Variants in AMPH observed in about 807,000 individuals in gnomAD.
AMPH encodes amphiphysin.
Under a neutral mutation model 99.1 loss-of-function variants are expected in AMPH, and 49 were observed. The ratio of observed to expected loss-of-function variants is 0.49; its 90% CI spans 0.39 to 0.63. AMPH has a LOEUF of 0.63. AMPH is among the 20% of genes least tolerant of loss of function. The probability of loss-of-function intolerance (pLI) is 0.00; values close to 1 mark genes in which losing one functional copy is unlikely to be tolerated. For synonymous variants in AMPH, 314 were observed against 317.3 expected, an observed-to-expected ratio of 0.99 and a Z score of 0.11; for missense variants, 759 against 863.4, an observed-to-expected ratio of 0.88 and a Z score of 1.52.
chr7:38,497,550 A>G (rs950353509), intron 3 of AMPH, among the ~76,000 whole-genome samples: 1 of 152,200 alleles, frequency 6.6e-6, no homozygotes, highest in Non-Finnish European at 1.5e-5. Context: ...AGATTGCACT[A>G]CTTTATAAGT....
chr7:38,492,342 G>C (rs1191081939), intron 4 of AMPH, among the ~76,000 whole-genome samples: 1 of 152,194 alleles, frequency 6.6e-6, no homozygotes, highest in Non-Finnish European at 1.5e-5. Context: ...CCAGTGCTCA[G>C]AGAGTCACCT....
At chr7:38,566,394 C>T (rs1387613454) in intron 1 of AMPH, among the ~76,000 whole-genome samples, 2 of 151,968 alleles carry the variant, frequency 1.3e-5, no homozygotes, top group East Asian at 1.9e-4. Context: ...GCCTCAGCCT[C>T]CCAAGTCATT....
chr7:38,405,929 C>T (rs1374314017), intron 17 of AMPH, among the ~76,000 whole-genome samples: 2 of 152,184 alleles, frequency 1.3e-5, no homozygotes, highest in Non-Finnish European at 2.9e-5. Flanking sequence ...AATCTTTTAT[C>T]TGCACATGGA....
intron 1 of AMPH, among the ~76,000 whole-genome samples, chr7:38,579,025 A>G (rs894367716): frequency 2.0e-5 from 3 of 152,210 alleles, no homozygotes; most frequent in African/African-American, 7.2e-5. Context: ...AAAGCAAATC[A>G]TATCTTAGTG....
At chr7:38,615,263 G>A (rs187638612) in intron 1 of AMPH, among the ~76,000 whole-genome samples, 23 of 152,274 alleles carry the variant, frequency 1.5e-4, no homozygotes, top group Admixed American at 1.2e-3. Flanking sequence ...GGTTCACTAC[G>A]AGGGTGAAAT....
At position 38,604,475 on chromosome 7, in the gene AMPH, C is replaced by T. The variant is rs143523018; in HGVS notation, c.69+26808G>A. Among the ~76,000 whole-genome samples, 17 of 152,280 alleles carry T rather than the reference C, an allele frequency of 1.1e-4. No homozygotes were observed. In the East Asian group the frequency reaches 1.7e-3, roughly 16 times the overall value. ...GAAAGGAGATATGCAAGAATGAGGA[C>T]GAGCACACACTGCCCCAGCCCTGCA... On this transcript the variant is annotated intron_variant, in intron 1 of 20. Coordinates refer to ENST00000356264, the MANE Select transcript of AMPH (RefSeq NM_001635.4).
At chr7:38,396,233 C>A (rs547636824) in intron 17 of AMPH, among the ~76,000 whole-genome samples, 47 of 152,240 alleles carry the variant, frequency 3.1e-4, no homozygotes, top group African/African-American at 1.1e-3. Context: ...GTGGGAGGGA[C>A]TTGGTGGGAG....
intron 2 of AMPH, among the ~76,000 whole-genome samples, chr7:38,508,319 C>T (rs929821655): frequency 6.6e-6 from 1 of 152,130 alleles, no homozygotes; most frequent in Admixed American, 6.5e-5. Context: ...TAAGGTTAAG[C>T]AGGTCTGGAA....
chr7:38,522,555 G>A (rs960245734), intron 2 of AMPH, among the ~76,000 whole-genome samples: 3 of 152,082 alleles, frequency 2.0e-5, no homozygotes, highest in Admixed American at 6.5e-5. Flanking sequence ...ACTCAGCTAC[G>A]GTGCTAAGCG....
intron 16 of AMPH, 130 bp from the exon 17 acceptor site, chr7:38,418,080 GAGAAAAGC>G (rs1161928081): frequency 1.9e-6 from 2 of 1,066,910 alleles, no homozygotes; most frequent in African/African-American, 3.2e-5. Flanking sequence ...ATCCGTGCTG[GAGAAAAGC>G]CCCCATTTGC....
At chr7:38,556,158 T>C (rs553895240) in intron 1 of AMPH, among the ~76,000 whole-genome samples, 19 of 152,026 alleles carry the variant, frequency 1.2e-4, no homozygotes, top group African/African-American at 4.1e-4. Context: ...AAGATAAAAT[T>C]AATTGTTTTA....
intron 2 of AMPH, among the ~76,000 whole-genome samples, chr7:38,510,875 A>G (rs979609841): frequency 1.3e-5 from 2 of 152,268 alleles, no homozygotes; most frequent in Admixed American, 6.5e-5. Flanking sequence ...AAAGATATCA[A>G]TTGTTCACTA....
rs147894612 is a variant in AMPH at position 38,476,889 on chromosome 7, C to T, written c.477G>A (p.Lys159=). The T allele has an allele frequency of 1.2e-6, 2 of 1,613,816 alleles. No homozygotes were observed. Among genetic ancestry groups the T allele is most frequent in the African/African-American group, 1.3e-5 (1 of 75,030 alleles). Residue 159 remains lysine, a synonymous_variant, in exon 6 of 21, where the codon AAG becomes AAA. Transcript: ENST00000356264. ...TAGAGATTCGACTCTCATCCTTCCT[C>T]TTGGAGCTCTGCAGAGCTTCCAGAT... ...RHHLEALQSS[K]RKDESRISKA...
chr7:38,409,120 C>G (rs1785142157), intron 17 of AMPH, among the ~76,000 whole-genome samples: 1 of 152,180 alleles, frequency 6.6e-6, no homozygotes, highest in East Asian at 1.9e-4. Context: ...CACTAATTTG[C>G]TATGGAGCTG....
intron 3 of AMPH, among the ~76,000 whole-genome samples, chr7:38,497,552 T>A (rs184670313): frequency 6.6e-6 from 1 of 152,342 alleles, no homozygotes; most frequent in African/African-American, 2.4e-5. Flanking sequence ...ATTGCACTAC[T>A]TTATAAGTAC....
intron 20 of AMPH, 44 bp downstream of exon 20, chr7:38,389,742 TCCAACAGACCCTCAGAAA>T: frequency 1.6e-6 from 2 of 1,260,602 alleles, no homozygotes; most frequent in Non-Finnish European, 1.2e-6. Flanking sequence ...AGTGATTGTG[TCCAACAGACCCTCAGAAA>T]AAAATCAACG....
chr7:38,428,007 C>G, intron 14 of AMPH: 1 of 454,354 alleles, frequency 2.2e-6, no homozygotes, highest in South Asian at 1.5e-5. Context: ...TATCTCCTGG[C>G]TTTGTTCCCA....
intron 2 of AMPH, among the ~76,000 whole-genome samples, chr7:38,513,539 T>C (rs1462712266): frequency 1.3e-5 from 2 of 152,204 alleles, no homozygotes; most frequent in Non-Finnish European, 2.9e-5. Flanking sequence ...TATGGAAGTA[T>C]AGTGACATCA....
chr7:38,387,783 A>T (rs1784386469), intron 20 of AMPH, among the ~76,000 whole-genome samples: 1 of 151,160 alleles, frequency 6.6e-6, no homozygotes, highest in Non-Finnish European at 1.5e-5. Context: ...TATGAAGACC[A>T]TAAAAAAAAA....
Sources: gnomAD v4.1 joint callset for allele counts (sites outside exome capture counted in the v4.1 genomes callset) on GRCh38, gnomAD v4.1.1 for gene constraint, MANE v1.5 for transcripts, NCBI Gene and HGNC (gene_info 2026-07-23, HGNC 2026-07-21) for gene names.